SH3BP5: variants seen among roughly 807,000 people sequenced by gnomAD.
SH3BP5 encodes the protein SH3 domain-binding protein 5.
In SH3BP5, 22 loss-of-function variants were observed where a neutral mutation model predicts 43.3. That is an observed-to-expected ratio of 0.51 (90% CI 0.36 to 0.73). The LOEUF (loss-of-function observed/expected upper bound fraction) is 0.73, where lower values mean the gene tolerates loss of function less well. Among genes scored for constraint, SH3BP5 ranks in the 30% least tolerant of loss-of-function variants. SH3BP5 has a pLI of 0.00. For synonymous variants in SH3BP5, 255 were observed against 225.8 expected, an observed-to-expected ratio of 1.13 and a Z score of -1.16; for missense variants, 529 against 586.9, an observed-to-expected ratio of 0.90 and a Z score of 1.02.
At chr3:15,323,054 G>A (rs1348404237) in intron 2 of SH3BP5, among the ~76,000 whole-genome samples, 3 of 151,982 alleles carry the variant, frequency 2.0e-5, no homozygotes, top group African/African-American at 4.8e-5. Flanking sequence ...CACGAAAATC[G>A]CTTGAACCTG....
At chr3:15,308,952 T>C (rs1042299129) in intron 2 of SH3BP5, among the ~76,000 whole-genome samples, 3 of 152,210 alleles carry the variant, frequency 2.0e-5, no homozygotes, top group African/African-American at 7.2e-5. Context: ...AAAGGAAACA[T>C]AATCATAGTT....
intron 4 of SH3BP5, among the ~76,000 whole-genome samples, chr3:15,265,820 C>T (rs1696626963): frequency 6.6e-6 from 1 of 152,002 alleles, no homozygotes; most frequent in Non-Finnish European, 1.5e-5. Flanking sequence ...TGCTGAAGAT[C>T]CAGGGACCAC....
intron 5 of SH3BP5, 134 bp downstream of exon 5, chr3:15,262,025 G>T: frequency 1.1e-6 from 1 of 940,286 alleles, no homozygotes; most frequent in Non-Finnish European, 1.6e-6. Context: ...TGAGCAGGGG[G>T]GCTCTGGTGA....
intron 5 of SH3BP5, 163 bp from the exon 6 acceptor site, chr3:15,259,966 C>T: frequency 1.5e-6 from 1 of 664,216 alleles, no homozygotes; most frequent in Admixed American, 2.5e-5. Context: ...GCTCCTAGCT[C>T]TGGAGACTGA....
upstream of SH3BP5, among the ~76,000 whole-genome samples, chr3:15,332,782 A>G (rs1698650046): frequency 6.6e-6 from 1 of 152,104 alleles, no homozygotes; most frequent in South Asian, 2.1e-4. Flanking sequence ...CAGCTCGGAT[A>G]TATCTCAACT....
At chr3:15,261,986 G>T (rs757346176) in intron 5 of SH3BP5, among the ~76,000 whole-genome samples, 173 bp downstream of exon 5, 1 of 152,166 alleles carries the variant, frequency 6.6e-6, no homozygotes, top group African/African-American at 2.4e-5. Context: ...GCTTCTGGGG[G>T]TCATAGAATA....
rs536313834 is a variant in SH3BP5 at position 15,314,057 on chromosome 3, G to A, written c.202-9826C>T. Among the ~76,000 whole-genome samples the A allele has an allele frequency of 3.3e-5, 5 of 151,970 alleles. No individual in the cohort carries two copies. In the East Asian group the frequency reaches 7.8e-4, roughly 24 times the overall value. On this transcript the variant is annotated intron_variant, in intron 2 of 8. Transcript: ENST00000383791. ...GTCAAGGCTGCAGTGAGCCAGGATC[G>A]TCCCACTGCACTCCAGCCTGGGTGA... is the stretch of plus-strand genomic sequence containing the variant.
At chr3:15,294,559 T>C (rs753571013) in intron 3 of SH3BP5, among the ~76,000 whole-genome samples, 2 of 152,086 alleles carry the variant, frequency 1.3e-5, no homozygotes, top group African/African-American at 2.4e-5. Flanking sequence ...TTCTCTTAGA[T>C]TAGGCCACAA....
At position 15,299,785 on chromosome 3, in the gene SH3BP5, C is replaced by T. The variant is rs149512862; in HGVS notation, c.330+4318G>A. ...GAGGTTTTTCCCTTTTAAGTACCCT[C>T]AACTGAGACACTGGATATTCCAGTG... On this transcript the variant is annotated intron_variant, in intron 3 of 8. Coordinates refer to ENST00000383791, the MANE Select transcript of SH3BP5 (RefSeq NM_004844.5). 1.0e-3 allele frequency among the ~76,000 whole-genome samples: 158 copies of T among 151,220 alleles called. 1 individual carries two copies. The highest frequency in any genetic ancestry group is 3.6e-3 in the African/African-American group (145 of 40,682).
chr3:15,285,681 C>T (rs542284224), intron 3 of SH3BP5, among the ~76,000 whole-genome samples: 1 of 152,266 alleles, frequency 6.6e-6, no homozygotes, highest in South Asian at 2.1e-4. Context: ...TGAGTCCTCA[C>T]CACTAACATG....
chr3:15,306,489 C>G (rs1697909913), intron 2 of SH3BP5, among the ~76,000 whole-genome samples: 1 of 152,094 alleles, frequency 6.6e-6, no homozygotes, highest in Non-Finnish European at 1.5e-5. Flanking sequence ...GCCTGGACGA[C>G]AGACCCTGCC....
chr3:15,304,030 C>T (rs1349445861), intron 3 of SH3BP5, 73 bp downstream of exon 3: 15 of 1,273,006 alleles, frequency 1.2e-5, no homozygotes, highest in South Asian at 6.0e-5. Flanking sequence ...GCAGGTGATA[C>T]AGTCAAAGGC....
intron 3 of SH3BP5, among the ~76,000 whole-genome samples, chr3:15,282,866 C>T (rs565745028): frequency 6.0e-4 from 91 of 152,110 alleles, no homozygotes; most frequent in South Asian, 1.5e-3. Flanking sequence ...CAATTGTTGA[C>T]GCTGGTGATG....
chr3:15,293,725 C>T (rs1379676243), intron 3 of SH3BP5, among the ~76,000 whole-genome samples: 1 of 152,190 alleles, frequency 6.6e-6, no homozygotes, highest in African/African-American at 2.4e-5. Context: ...CTCGCAAGGT[C>T]TGTGATGTTA....
intron 3 of SH3BP5, among the ~76,000 whole-genome samples, chr3:15,287,672 G>A (rs1402127695): frequency 6.6e-6 from 1 of 152,150 alleles, no homozygotes; most frequent in Non-Finnish European, 1.5e-5. Context: ...GAACATCACA[G>A]AGCTAGTCAG....
chr3:15,274,291 C>G (rs1358016128), intron 3 of SH3BP5, among the ~76,000 whole-genome samples: 1 of 151,660 alleles, frequency 6.6e-6, no homozygotes. Flanking sequence ...CCTGAGACTG[C>G]GTAATTTATA....
intron 3 of SH3BP5, among the ~76,000 whole-genome samples, chr3:15,299,394 T>C (rs1324277136): frequency 1.3e-5 from 2 of 151,876 alleles, no homozygotes; most frequent in Non-Finnish European, 1.5e-5. Flanking sequence ...ATCTGACTCA[T>C]TGGCTGAAAA....
At chr3:15,338,677 G>A (rs1226765834) in intron 1 of SH3BP5, among the ~76,000 whole-genome samples, 3 of 151,960 alleles carry the variant, frequency 2.0e-5, no homozygotes, top group African/African-American at 7.3e-5. Flanking sequence ...ATGCATGGGT[G>A]CGCAGCCACC....
intron 8 of SH3BP5, 104 bp from the exon 9 acceptor site, chr3:15,256,407 A>T: frequency 2.3e-5 from 29 of 1,277,524 alleles, no homozygotes; most frequent in Non-Finnish European, 3.2e-5. Flanking sequence ...ATTCTAAGTC[A>T]CTTGAGCTCA....
Sources: gnomAD v4.1 joint callset for allele counts (sites outside exome capture counted in the v4.1 genomes callset) on GRCh38, gnomAD v4.1.1 for gene constraint, MANE v1.5 for transcripts, NCBI Gene and HGNC (gene_info 2026-07-23, HGNC 2026-07-21) for gene names.